The following SLAMF6 variants were observed in gnomAD, a reference collection of about 807,000 sequenced individuals.
The protein encoded by SLAMF6 is SLAM family member 6.
A neutral mutation model predicts 38.3 loss-of-function variants in SLAMF6; 21 were observed. The ratio of observed to expected loss-of-function variants is 0.55; its 90% CI spans 0.39 to 0.79. The LOEUF (loss-of-function observed/expected upper bound fraction) is 0.79. Ranked by LOEUF, SLAMF6 falls within the 30% of genes least tolerant of loss-of-function variation. The probability of loss-of-function intolerance (pLI) is 0.00; values close to 1 mark genes in which losing one functional copy is unlikely to be tolerated. For synonymous variants in SLAMF6, 152 were observed against 146.3 expected (o/e 1.04, Z -0.28); for missense variants, 341 against 385.3 (o/e 0.89, Z 0.96).
chr1:160,517,705 A>G (rs1306159651), intron 1 of SLAMF6, among the ~76,000 whole-genome samples: 3 of 152,112 alleles, frequency 2.0e-5, no homozygotes, highest in African/African-American at 7.2e-5. Flanking sequence ...CCTTTGCAGG[A>G]ATGTGGATGA....
Position 160,512,826 on chromosome 1 carries a change from A to G in SLAMF6, c.49+10318T>C, listed in dbSNP as rs564718845. Among the ~76,000 whole-genome samples, 244 of 152,338 alleles carry G rather than the reference A, an allele frequency of 1.6e-3. 2 individuals are homozygous for G. Among genetic ancestry groups the G allele is most frequent in the Middle Eastern group, 0.014 (4 of 294 alleles). ...AACAGAAAGCAACAACAACAGCATC[A>G]ACAAAAAAGTCCCCACAAAAAGCCC... On this transcript the variant is annotated intron_variant, in intron 1 of 7. Coordinates refer to ENST00000368057, the MANE Select transcript of SLAMF6 (RefSeq NM_001184714.2).
intron 7 of SLAMF6, 94 bp from the exon 8 acceptor site, chr1:160,486,848 G>A (rs1652989345): frequency 7.1e-7 from 1 of 1,414,556 alleles, no homozygotes; most frequent in African/African-American, 1.4e-5. Flanking sequence ...AGACTACAGA[G>A]AGGCAGATAA....
chr1:160,492,164 A>G (rs1466401503), intron 2 of SLAMF6, among the ~76,000 whole-genome samples: 2 of 152,168 alleles, frequency 1.3e-5, no homozygotes, highest in Non-Finnish European at 2.9e-5. Context: ...AACCAATGGG[A>G]ACATGGGAGC....
intron 1 of SLAMF6, among the ~76,000 whole-genome samples, chr1:160,502,010 TA>T (rs1344458553): frequency 1.3e-5 from 2 of 152,186 alleles, no homozygotes; most frequent in Non-Finnish European, 2.9e-5. Context: ...TGAAAATGTT[TA>T]AAAGACCCTG....
intron 1 of SLAMF6, among the ~76,000 whole-genome samples, chr1:160,501,796 A>G (rs1293849504): frequency 6.6e-6 from 1 of 150,712 alleles, no homozygotes; most frequent in African/African-American, 2.4e-5. Flanking sequence ...AGGATGAGCT[A>G]AAATATCTGT....
chr1:160,507,556 AAAACACTACATCC>A lies in SLAMF6; in HGVS notation c.50-11176_50-11164del, dbSNP rs548633539. The stretch of plus-strand genomic sequence containing the variant: ...CCAACAATACCTAACATATATATGA[AAAACACTACATCC>A]AAACACAACAAAATATACATTTTCC... On this transcript the variant is annotated intron_variant, in intron 1 of 7. Coordinates refer to ENST00000368057, the MANE Select transcript of SLAMF6 (RefSeq NM_001184714.2). 1.3e-3 allele frequency among the ~76,000 whole-genome samples: 192 copies of A among 152,272 alleles called. 1 individual carries two copies. Among genetic ancestry groups the A allele is most frequent in the African/African-American group, 4.4e-3 (183 of 41,584 alleles).
At chr1:160,489,767 G>C (rs1167433149) in intron 5 of SLAMF6, among the ~76,000 whole-genome samples, 1 of 152,154 alleles carries the variant, frequency 6.6e-6, no homozygotes, top group Non-Finnish European at 1.5e-5. Context: ...CAGAGCCTGT[G>C]TTTGTGTTTC....
chr1:160,511,946 G>T (rs756779081), intron 1 of SLAMF6, among the ~76,000 whole-genome samples: 3 of 152,168 alleles, frequency 2.0e-5, no homozygotes, highest in Non-Finnish European at 2.9e-5. Flanking sequence ...AGTGGTGAGT[G>T]ATTGTGCTAC....
intron 1 of SLAMF6, among the ~76,000 whole-genome samples, chr1:160,500,689 CTGTTT>C (rs1464535318): frequency 6.6e-6 from 1 of 152,114 alleles, no homozygotes; most frequent in East Asian, 1.9e-4. Flanking sequence ...AGATTTTTGT[CTGTTT>C]TGTCTACTAT....
intron 1 of SLAMF6, among the ~76,000 whole-genome samples, chr1:160,509,612 C>A (rs1654370924): frequency 6.6e-6 from 1 of 152,038 alleles, no homozygotes; most frequent in African/African-American, 2.4e-5. Context: ...ATGTAACAAA[C>A]TTGCACGATG....
intron 2 of SLAMF6, among the ~76,000 whole-genome samples, chr1:160,492,576 A>G (rs1653361320): frequency 6.6e-6 from 1 of 152,104 alleles, no homozygotes; most frequent in Non-Finnish European, 1.5e-5. Context: ...TCCAGTGTTG[A>G]TGGCTGAACT....
At chr1:160,495,939 C>A in intron 2 of SLAMF6, 122 bp downstream of exon 2, 1 of 864,510 alleles carries the variant, frequency 1.2e-6, no homozygotes, top group Non-Finnish European at 1.8e-6. Flanking sequence ...GACACTGACT[C>A]AATGACTCCA....
chr1:160,519,333 G>A (rs950903013), intron 1 of SLAMF6, among the ~76,000 whole-genome samples: 14 of 152,130 alleles, frequency 9.2e-5, no homozygotes, highest in African/African-American at 2.7e-4. Flanking sequence ...ATGAGGATGT[G>A]GAGAAATTAT....
chr1:160,512,432 T>A lies in SLAMF6; in HGVS notation c.49+10712A>T, dbSNP rs538081015. On this transcript the variant is annotated intron_variant, in intron 1 of 7. Transcript: ENST00000368057. ...CATCAGACTTAGTCTTTTCCCCTGC[T>A]GGCTCTGAGGAATCTGGGCAGTCTG... is the stretch of plus-strand genomic sequence containing the variant. Among the ~76,000 whole-genome samples, 16 of 152,338 alleles carry A rather than the reference T, an allele frequency of 1.1e-4. 1 individual carries two copies. The South Asian group carries it at 3.3e-3, about 32-fold the overall frequency.
chr1:160,491,459 C>T, intron 2 of SLAMF6, 71 bp from the exon 3 acceptor site: 1 of 1,551,120 alleles, frequency 6.4e-7, no homozygotes, highest in Non-Finnish European at 8.7e-7. Context: ...GAAAAATATC[C>T]TTCACCTCAA....
intron 4 of SLAMF6, 81 bp from the exon 5 acceptor site, chr1:160,490,317 T>C (rs1184267457): frequency 6.2e-7 from 1 of 1,602,624 alleles, no homozygotes; most frequent in Admixed American, 1.7e-5. Context: ...AGTGTTGGGA[T>C]GTGGTGGGAG....
chr1:160,495,213 A>G (rs1653511336), intron 2 of SLAMF6, among the ~76,000 whole-genome samples: 1 of 152,212 alleles, frequency 6.6e-6, no homozygotes, highest in African/African-American at 2.4e-5. Flanking sequence ...AGTGGATAAA[A>G]ATTACAGAAT....
At chr1:160,489,377 G>C (rs546028412) in intron 5 of SLAMF6, among the ~76,000 whole-genome samples, 9 of 152,218 alleles carry the variant, frequency 5.9e-5, no homozygotes, top group Middle Eastern at 3.4e-3. Context: ...ACATCTCTTG[G>C]GGTAGAAGGT....
intron 4 of SLAMF6, 131 bp from the exon 5 acceptor site, chr1:160,490,367 C>T (rs1653220835): frequency 2.1e-6 from 3 of 1,422,380 alleles, no homozygotes; most frequent in Non-Finnish European, 1.9e-6. Context: ...GAGACAGGGT[C>T]CCACTTTTCC....
Sources: allele counts gnomAD v4.1 joint callset (sites outside exome capture counted in the v4.1 genomes callset), GRCh38; gene constraint gnomAD v4.1.1; transcripts MANE v1.5; gene names NCBI Gene and HGNC (gene_info 2026-07-23, HGNC 2026-07-21).